TANC1: variants seen among roughly 807,000 people sequenced by gnomAD.
TANC1 encodes protein TANC1.
TANC1 carries 77 observed loss-of-function variants against 149.7 expected under a neutral mutation model. That is an observed-to-expected ratio of 0.51 (90% CI 0.43 to 0.62). The LOEUF (loss-of-function observed/expected upper bound fraction) is 0.62, where lower values mean the gene tolerates loss of function less well. TANC1 is among the 20% of genes least tolerant of loss of function. TANC1 has a pLI of 0.00. For synonymous variants in TANC1, 854 were observed against 925.0 expected, an observed-to-expected ratio of 0.92 and a Z score of 1.39; for missense variants, 1,985 against 2,321.8, an observed-to-expected ratio of 0.85 and a Z score of 2.98.
intron 13 of TANC1, among the ~76,000 whole-genome samples, chr2:159,177,830 C>A (rs1192813314): frequency 1.3e-5 from 2 of 152,170 alleles, no homozygotes; most frequent in Admixed American, 6.5e-5. Context: ...ATGGGAAGGG[C>A]ACATGAGGCT....
intron 9 of TANC1, among the ~76,000 whole-genome samples, chr2:159,169,699 A>G (rs1559383806): frequency 6.6e-6 from 1 of 152,176 alleles, no homozygotes; most frequent in Non-Finnish European, 1.5e-5. Flanking sequence ...CTTTGTTTCA[A>G]TTCTTGGACT....
At chr2:159,152,931 G>T (rs1461830285) in intron 7 of TANC1, among the ~76,000 whole-genome samples, 3 of 152,178 alleles carry the variant, frequency 2.0e-5, no homozygotes, top group African/African-American at 7.2e-5. Flanking sequence ...ATATTAAACT[G>T]CAGGAGGTTC....
At chr2:159,013,978 G>A (rs2149389601) in intron 2 of TANC1, among the ~76,000 whole-genome samples, 1 of 152,174 alleles carries the variant, frequency 6.6e-6, no homozygotes, top group African/African-American at 2.4e-5. Context: ...TTCTGTCTGT[G>A]CCTATGTCCA....
Position 159,105,692 on chromosome 2 carries a change from G to A in TANC1, c.259+7858G>A, listed in dbSNP as rs560867694. ...TTGCCCATTCCCCCAGCATTGGACA[G>A]GTAAGAGGTCCCCTGTTTTCTGCTA... On this transcript the variant is annotated intron_variant, in intron 4 of 26. Transcript: ENST00000263635. Among the ~76,000 whole-genome samples, 14 of 152,290 alleles carry A rather than the reference G, an allele frequency of 9.2e-5. No homozygotes were observed. In the South Asian group the frequency reaches 2.7e-3, roughly 29 times the overall value.
intron 2 of TANC1, among the ~76,000 whole-genome samples, chr2:159,014,764 C>A (rs534200816): frequency 1.3e-5 from 2 of 152,206 alleles, no homozygotes; most frequent in African/African-American, 4.8e-5. Flanking sequence ...GGCTACAGGG[C>A]CCATGCAAGA....
intron 4 of TANC1, among the ~76,000 whole-genome samples, chr2:159,117,010 C>T (rs979763842): frequency 3.3e-5 from 5 of 152,160 alleles, no homozygotes; most frequent in South Asian, 2.1e-4. Flanking sequence ...CGATCACTCT[C>T]GAAAGGTGCA....
In TANC1 at chr2:159,196,809, G is replaced by C. The variant is rs749379016; in HGVS notation, c.3165+16G>C. ...CCACAGCTCGGTGAGTGGGGCAGGG[G>C]TTTCCCTCCTGGGAAACAAGAAGCT... is the stretch of plus-strand genomic sequence containing the variant. On this transcript the variant is annotated intron_variant, in intron 18 of 26. Transcript: ENST00000263635. 6.3e-7 allele frequency: 1 copy of C among 1,594,918 alleles called. No homozygotes were observed. The highest frequency in any genetic ancestry group is 8.5e-7 in the Non-Finnish European group (1 of 1,173,948).
chr2:159,221,549 G>A (rs2059709060), intron 22 of TANC1, among the ~76,000 whole-genome samples: 1 of 152,106 alleles, frequency 6.6e-6, no homozygotes, highest in South Asian at 2.1e-4. Context: ...TCTGTTGTGA[G>A]TTCAACTTGT....
At chr2:158,979,751 G>T (rs916414597) in intron 1 of TANC1, among the ~76,000 whole-genome samples, 2 of 152,176 alleles carry the variant, frequency 1.3e-5, no homozygotes, top group Non-Finnish European at 2.9e-5. Context: ...GGTATGGTTT[G>T]ACAATTTGAA....
chr2:159,091,686 G>A (rs2045560336), intron 3 of TANC1, among the ~76,000 whole-genome samples: 1 of 152,182 alleles, frequency 6.6e-6, no homozygotes, highest in Non-Finnish European at 1.5e-5. Flanking sequence ...TTGAAGACAA[G>A]GATATGCTGT....
intron 4 of TANC1, among the ~76,000 whole-genome samples, chr2:159,125,750 C>G (rs540875105): frequency 2.8e-4 from 42 of 152,216 alleles, no homozygotes; most frequent in African/African-American, 9.9e-4. Flanking sequence ...CCACGCCCAG[C>G]TAATTTTTTG....
rs756629524 is a variant in TANC1 at position 159,231,051 on chromosome 2, T to C, written c.*39T>C. ...CCCATTTGTGGAATTTGGAAACGTG[T>C]GTTGACTCCTGGTGGTAAATTAAAT... On this transcript the variant is annotated 3_prime_UTR_variant, in exon 27 of 27. Transcript: ENST00000263635. 4.0e-5 allele frequency: 58 copies of C among 1,453,402 alleles called. No homozygotes were observed. The highest frequency in any genetic ancestry group is 5.3e-5 in the Non-Finnish European group (57 of 1,066,566). 90.0% of individuals were successfully genotyped at this position (1,453,402 alleles called of 1,614,324 possible).
At chr2:159,066,453 T>C (rs1366107024) in intron 3 of TANC1, among the ~76,000 whole-genome samples, 1 of 152,178 alleles carries the variant, frequency 6.6e-6, no homozygotes, top group Non-Finnish European at 1.5e-5. Context: ...TTTTGAACTT[T>C]ATTATAAGAA....
At chr2:159,163,913 T>C (rs905860908) in intron 8 of TANC1, among the ~76,000 whole-genome samples, 4 of 152,184 alleles carry the variant, frequency 2.6e-5, no homozygotes, top group Non-Finnish European at 5.9e-5. Context: ...TAATATCAGC[T>C]CGAGGATCTT....
At chr2:159,095,691 G>A (rs1035666457) in intron 3 of TANC1, among the ~76,000 whole-genome samples, 7 of 141,508 alleles carry the variant, frequency 4.9e-5, no homozygotes, top group Non-Finnish European at 9.0e-5. Flanking sequence ...AGTCGAGATC[G>A]TGCCACTGCA....
intron 7 of TANC1, among the ~76,000 whole-genome samples, chr2:159,161,944 G>A (rs1178814592): frequency 6.6e-6 from 1 of 152,184 alleles, no homozygotes; most frequent in African/African-American, 2.4e-5. Context: ...GTGCTATTCA[G>A]AAAAGGAAAA....
chr2:159,041,607 TCTC>T (rs2040640234), intron 2 of TANC1, among the ~76,000 whole-genome samples: 1 of 152,186 alleles, frequency 6.6e-6, no homozygotes, highest in African/African-American at 2.4e-5. Flanking sequence ...CAGGATATAA[TCTC>T]CTGGTGTGCC....
chr2:159,106,434 G>A (rs921178667), intron 4 of TANC1, among the ~76,000 whole-genome samples: 1 of 152,090 alleles, frequency 6.6e-6, no homozygotes, highest in Admixed American at 6.5e-5. Flanking sequence ...TTTGTGACTG[G>A]CTTCTTTTAT....
intron 1 of TANC1, among the ~76,000 whole-genome samples, chr2:158,980,593 G>A (rs1371190362): frequency 2.6e-5 from 4 of 152,048 alleles, no homozygotes; most frequent in East Asian, 1.9e-4. Context: ...TGGCTAACAC[G>A]GTGAAACCCC....
Sources: gnomAD v4.1 joint callset for allele counts (sites outside exome capture counted in the v4.1 genomes callset) on GRCh38, gnomAD v4.1.1 for gene constraint, MANE v1.5 for transcripts, NCBI Gene and HGNC (gene_info 2026-07-23, HGNC 2026-07-21) for gene names.